The following EHD4 variants were observed in gnomAD, a reference collection of about 807,000 sequenced individuals.
The protein encoded by EHD4 is EH domain containing 4, also known as EH domain-containing protein 4.
A neutral mutation model predicts 51.0 loss-of-function variants in EHD4; 37 were observed. That is an observed-to-expected ratio of 0.73 (90% confidence interval 0.56 to 0.95). The LOEUF is 0.95. Among genes scored for constraint, EHD4 ranks in the 40% least tolerant of loss-of-function variants. The probability of loss-of-function intolerance (pLI) is 0.00; values close to 1 mark genes in which losing one functional copy is unlikely to be tolerated. For synonymous variants in EHD4, 297 were observed against 317.3 expected (o/e 0.94, Z 0.68); for missense variants, 632 against 733.1 (o/e 0.86, Z 1.59).
At chr15:41,932,937 G>A (rs1030664977) in intron 3 of EHD4, among the ~76,000 whole-genome samples, 2 of 152,198 alleles carry the variant, frequency 1.3e-5, no homozygotes, top group African/African-American at 4.8e-5. Context: ...GACCACCCCA[G>A]TTCTATAAAA....
At chr15:41,919,744 AG>A (rs2067611957) in intron 3 of EHD4, 122 bp from the exon 4 acceptor site, 1 of 922,888 alleles carries the variant, frequency 1.1e-6, no homozygotes. Context: ...TCCAACCTGG[AG>A]GCAGTGGAGG....
intron 3 of EHD4, among the ~76,000 whole-genome samples, chr15:41,933,738 G>A (rs919748843): frequency 1.3e-5 from 2 of 152,116 alleles, no homozygotes; most frequent in African/African-American, 2.4e-5. Flanking sequence ...ATAAAACCAG[G>A]GAAGGTTATT....
intron 3 of EHD4, among the ~76,000 whole-genome samples, chr15:41,921,210 C>T (rs1304099964): frequency 7.9e-5 from 12 of 152,294 alleles, no homozygotes; most frequent in Middle Eastern, 3.4e-3. Flanking sequence ...TGCCGCCACA[C>T]GCGTGGATAC....
Position 41,899,422 on chromosome 15 carries a change from G to A in EHD4, c.*1223C>T, listed in dbSNP as rs1247815626. 1 of 151,692 alleles carries A rather than the reference G, an allele frequency of 6.6e-6. No homozygotes were observed. The highest frequency in any genetic ancestry group is 1.5e-5 in the Non-Finnish European group (1 of 67,986). 9.4% of individuals were successfully genotyped at this position (151,692 alleles called of 1,614,324 possible). Reference sequence around the variant, plus strand: ...ATCCTGCCTCGTGATGGGCATTCATGATACGAACCACACAGCCTTTAAAGA... The same window carrying A: ...ATCCTGCCTCGTGATGGGCATTCATAATACGAACCACACAGCCTTTAAAGA... On this transcript the variant is annotated 3_prime_UTR_variant, in exon 6 of 6. Coordinates refer to ENST00000220325, the MANE Select transcript of EHD4 (RefSeq NM_139265.4).
At chr15:41,947,549 C>T (rs558550508) in intron 2 of EHD4, among the ~76,000 whole-genome samples, 1 of 152,254 alleles carries the variant, frequency 6.6e-6, no homozygotes, top group Admixed American at 6.5e-5. Context: ...GAGGGTAAAA[C>T]CAGAGAGATA....
In EHD4 at chr15:41,901,002, G is replaced by T. The variant is rs770762994; in HGVS notation, c.1269C>A (p.Gly423=). 23 of 1,608,522 alleles carry T rather than the reference G, an allele frequency of 1.4e-5. No individual in the cohort carries two copies. Among genetic ancestry groups the T allele is most frequent in the Non-Finnish European group, 1.8e-5 (21 of 1,175,944 alleles). ...QGGAFDGTTE[G]PFNQGYGEGA... ...CCTCCCCGTAGCCCTGGTTGAAGGG[G>T]CCCTCGGTGGTGCCATCGAAGGCGC... Residue 423 remains glycine (G), a synonymous_variant, in exon 6 of 6, where the codon GGC becomes GGA. Transcript: ENST00000220325.
chr15:41,901,648 C>T (rs764849889), intron 5 of EHD4, among the ~76,000 whole-genome samples: 8 of 152,216 alleles, frequency 5.3e-5, no homozygotes, highest in Non-Finnish European at 1.0e-4. Flanking sequence ...TTGACTAATG[C>T]TCTCTGTGCT....
At chr15:41,915,983 T>A (rs147498190) in intron 4 of EHD4, among the ~76,000 whole-genome samples, 20 of 152,354 alleles carry the variant, frequency 1.3e-4, no homozygotes, top group African/African-American at 4.8e-4. Context: ...ATTATTAAAA[T>A]GTCACCTTTA....
intron 3 of EHD4, among the ~76,000 whole-genome samples, chr15:41,923,167 C>G (rs553617249): frequency 2.0e-5 from 3 of 152,304 alleles, no homozygotes; most frequent in Admixed American, 1.3e-4. Flanking sequence ...CCTCCTCTCT[C>G]TAGCCCCTGG....
chr15:41,900,634 C>A lies in EHD4; in HGVS notation c.*11G>T. ...GTCCCCCAGTTCCCACCCCGTTCTG[C>A]AGCCCACCCCTCAGTCGGCCTTGGG... On this transcript the variant is annotated 3_prime_UTR_variant, in exon 6 of 6. Coordinates refer to ENST00000220325, the MANE Select transcript of EHD4 (RefSeq NM_139265.4). The surrounding 1 kb of genome is among the most constrained non-coding windows in gnomAD (Gnocchi z 4.8). 6.4e-7 allele frequency: 1 copy of A among 1,572,254 alleles called. No homozygotes were observed. The highest frequency in any genetic ancestry group is 8.6e-7 in the Non-Finnish European group (1 of 1,163,232).
intron 1 of EHD4, among the ~76,000 whole-genome samples, chr15:41,956,335 A>AT (rs1255704611): frequency 6.6e-6 from 1 of 152,142 alleles, no homozygotes; most frequent in African/African-American, 2.4e-5. Flanking sequence ...GGCCCTTCAG[A>AT]TTCCGGGCCA....
At chr15:41,954,920 G>A (rs1478827648) in intron 1 of EHD4, among the ~76,000 whole-genome samples, 2 of 152,216 alleles carry the variant, frequency 1.3e-5, no homozygotes, top group Non-Finnish European at 2.9e-5. Flanking sequence ...ATGAGCCACC[G>A]CAACTGGCCT....
chr15:41,937,755 C>T (rs1022751892), intron 3 of EHD4, among the ~76,000 whole-genome samples: 7 of 152,154 alleles, frequency 4.6e-5, no homozygotes, highest in African/African-American at 1.7e-4. Flanking sequence ...TTGTACTTCC[C>T]TGATTGTGGT....
chr15:41,938,430 C>A (rs1263142623), intron 3 of EHD4, among the ~76,000 whole-genome samples: 1 of 152,162 alleles, frequency 6.6e-6, no homozygotes, highest in East Asian at 1.9e-4. Flanking sequence ...GCAGTTAGAT[C>A]CTCCCGGCTT....
chr15:41,932,293 A>AG (rs1468923575), intron 3 of EHD4, among the ~76,000 whole-genome samples: 1 of 152,204 alleles, frequency 6.6e-6, no homozygotes. Flanking sequence ...CCAGGGCTCC[A>AG]CGTGAGTGGG....
intron 3 of EHD4, among the ~76,000 whole-genome samples, chr15:41,940,240 C>A (rs1427287396): frequency 1.3e-5 from 2 of 152,190 alleles, no homozygotes; most frequent in Admixed American, 1.3e-4. Context: ...GAGGCAAAGA[C>A]CCGCCAATAA....
rs2067443261 is a variant in EHD4, at chr15:41,897,013, G to A, written c.*3632C>T. ...CAGCCACTGGAAAATGAGCCAGTGG[G>A]AGAGGGCAGCTCCATGTTTATTGAT... On this transcript the variant is annotated 3_prime_UTR_variant, in exon 6 of 6. Transcript: ENST00000220325. The A allele has an allele frequency of 6.6e-6, 1 of 152,156 alleles. No homozygotes were observed. Among genetic ancestry groups the A allele is most frequent in the Non-Finnish European group, 1.5e-5 (1 of 68,032 alleles). The allele number at this position is 152,156 out of a possible 1,614,324, so 9.4% of individuals were successfully genotyped here.
At chr15:41,965,063 C>T (rs966561599) in intron 1 of EHD4, among the ~76,000 whole-genome samples, 5 of 152,188 alleles carry the variant, frequency 3.3e-5, no homozygotes, top group East Asian at 1.9e-4. Context: ...TGAGCTGCTG[C>T]GCCCAGCCTA....
rs372280034 is a variant in EHD4 at position 41,950,082 on chromosome 15, A to G, written c.413+3682T>C. On this transcript the variant is annotated intron_variant, in intron 2 of 5. Transcript: ENST00000220325. ...AGAATGTCTCACTAAAGCCATTTCC[A>G]TAGACCTCTGTGTGTTCTAAACTCC... 1.2e-3 allele frequency among the ~76,000 whole-genome samples: 188 copies of G among 152,364 alleles called. 2 individuals carry two copies. The highest frequency in any genetic ancestry group is 4.2e-3 in the African/African-American group (173 of 41,584).
Sources: gnomAD v4.1 joint callset for allele counts (sites outside exome capture counted in the v4.1 genomes callset) on GRCh38, gnomAD v4.1.1 for gene constraint, Gnocchi (gnomAD v3.1) non-coding constraint, MANE v1.5 for transcripts, NCBI Gene and HGNC (gene_info 2026-07-23, HGNC 2026-07-21) for gene names.